The following SNTB2 variants were observed in gnomAD, a reference collection of about 807,000 sequenced individuals.
SNTB2 encodes the protein syntrophin beta 2, also known as beta-2-syntrophin.
Under a neutral mutation model 46.2 loss-of-function variants are expected in SNTB2, and 34 were observed. That is an observed-to-expected ratio of 0.74 (90% CI 0.56 to 0.98). The LOEUF is 0.98. Among genes scored for constraint, SNTB2 ranks in the 50% least tolerant of loss-of-function variants. SNTB2 has a pLI of 0.00. For synonymous variants in SNTB2, 290 were observed against 312.6 expected (o/e 0.93, Z 0.76); for missense variants, 603 against 731.4 (o/e 0.82, Z 2.02).
At chr16:69,251,517 G>A (rs1445115166) in intron 2 of SNTB2, among the ~76,000 whole-genome samples, 4 of 145,620 alleles carry the variant, frequency 2.7e-5, no homozygotes, top group South Asian at 4.5e-4. Flanking sequence ...AGTGGCTGAC[G>A]CCTGTAATCC....
At chr16:69,279,319 T>A (rs548190908) in intron 4 of SNTB2, among the ~76,000 whole-genome samples, 3 of 152,202 alleles carry the variant, frequency 2.0e-5, no homozygotes, top group African/African-American at 7.2e-5. Flanking sequence ...AGTATTTCCT[T>A]TTTTAGGCTG....
At position 69,300,994 on chromosome 16, in the gene SNTB2, A is replaced by T; in HGVS notation, c.*70A>T. The T allele has an allele frequency of 1.0e-6, 1 of 987,174 alleles. No homozygotes were observed. The allele number at this position is 987,174 out of a possible 1,614,324, so 61.2% of individuals were successfully genotyped here. A position where few individuals can be genotyped will look rare whatever the true frequency, so the allele number is the denominator to read the frequency against. On this transcript the variant is annotated 3_prime_UTR_variant, in exon 7 of 7. Transcript: ENST00000336278. Reference sequence around the variant, plus strand: ...TTCCACCTCAAAAAAAAAAAAGCACAAAAAGAAACTCTTTGCTCTCCTTCA... The same window carrying T: ...TTCCACCTCAAAAAAAAAAAAGCACTAAAAGAAACTCTTTGCTCTCCTTCA...
At chr16:69,291,787 AAGTT>A (rs1965161352) in intron 5 of SNTB2, among the ~76,000 whole-genome samples, 1 of 152,114 alleles carries the variant, frequency 6.6e-6, no homozygotes, top group African/African-American at 2.4e-5. Context: ...AAAATTTTGA[AAGTT>A]AGCCAGGCAT....
intron 4 of SNTB2, 130 bp downstream of exon 4, chr16:69,270,415 C>A: frequency 8.7e-7 from 1 of 1,153,962 alleles, no homozygotes; most frequent in Middle Eastern, 2.3e-4. Context: ...TTGATGCAGA[C>A]AAAAATTTTT....
intron 1 of SNTB2, among the ~76,000 whole-genome samples, chr16:69,232,771 A>G (rs1175026361): frequency 6.6e-6 from 1 of 151,982 alleles, no homozygotes; most frequent in Admixed American, 6.6e-5. Flanking sequence ...CAGCCTCCCA[A>G]AGTACTGGGA....
chr16:69,283,394 T>A (rs2143157597), intron 4 of SNTB2, among the ~76,000 whole-genome samples: 1 of 152,266 alleles, frequency 6.6e-6, no homozygotes, highest in Non-Finnish European at 1.5e-5. Flanking sequence ...AATTCTAGAG[T>A]CAAATGCAAA....
intron 1 of SNTB2, among the ~76,000 whole-genome samples, chr16:69,243,072 C>T (rs2152296618): frequency 6.7e-6 from 1 of 149,324 alleles, no homozygotes; most frequent in Admixed American, 6.7e-5. Context: ...AGAAAATTAG[C>T]TTCAGCATCT....
chr16:69,227,104 C>T (rs1203009475), intron 1 of SNTB2, among the ~76,000 whole-genome samples: 1 of 152,120 alleles, frequency 6.6e-6, no homozygotes, highest in African/African-American at 2.4e-5. Flanking sequence ...TTGCAAGAAT[C>T]CTTAATCTAG....
At chr16:69,232,582 G>C (rs539555847) in intron 1 of SNTB2, among the ~76,000 whole-genome samples, 23 of 140,578 alleles carry the variant, frequency 1.6e-4, no homozygotes, top group Non-Finnish European at 3.0e-4. Context: ...CCCCATCTTG[G>C]CTCGTTGCAA....
intron 2 of SNTB2, among the ~76,000 whole-genome samples, chr16:69,246,410 C>T (rs2143044401): frequency 6.6e-6 from 1 of 151,026 alleles, no homozygotes; most frequent in Admixed American, 6.6e-5. Context: ...AGGGATGAAG[C>T]CCACTTGATT....
intron 5 of SNTB2, among the ~76,000 whole-genome samples, chr16:69,294,872 G>T (rs146201378): frequency 0.023 from 3,487 of 151,266 alleles, 133 homozygotes; most frequent in African/African-American, 0.08. Context: ...GGGCTGGAGT[G>T]CAGTGGTGCA....
chr16:69,301,074 A>G lies in SNTB2; in HGVS notation c.*150A>G, dbSNP rs1965274426. The G allele has an allele frequency of 1.7e-6, 1 of 588,840 alleles. No homozygotes were observed. The highest frequency in any genetic ancestry group is 3.0e-6 in the Non-Finnish European group (1 of 328,316). The allele number at this position is 588,840 out of a possible 1,614,324, so 36.5% of individuals were successfully genotyped here. On this transcript the variant is annotated 3_prime_UTR_variant, in exon 7 of 7. Transcript: ENST00000336278. ...AACTGCTGAACCATAACCGTGTTTA[A>G]AGAAGAGCCTACCTTTCACAGTCTA...
chr16:69,198,849 G>A (rs1964132324), intron 1 of SNTB2, among the ~76,000 whole-genome samples: 1 of 151,218 alleles, frequency 6.6e-6, no homozygotes, highest in Admixed American at 6.6e-5. Flanking sequence ...AATATGAACT[G>A]ACTGTACGCA....
intron 5 of SNTB2, among the ~76,000 whole-genome samples, chr16:69,292,388 TATTATATATATATATATATTA>T (rs1965173704): frequency 7.4e-5 from 1 of 13,480 alleles, no homozygotes. Flanking sequence ...ATTATATATA[TATTATATATATATATATATTA>T]TATATATATT....
At chr16:69,300,105 C>G (rs1965264967) in intron 6 of SNTB2, among the ~76,000 whole-genome samples, 1 of 151,566 alleles carries the variant, frequency 6.6e-6, no homozygotes, top group African/African-American at 2.4e-5. Flanking sequence ...GCTTTGCTGC[C>G]CAGGATGGTC....
At chr16:69,274,727 G>A (rs531294214) in intron 4 of SNTB2, among the ~76,000 whole-genome samples, 1 of 151,712 alleles carries the variant, frequency 6.6e-6, no homozygotes, top group Non-Finnish European at 1.5e-5. Flanking sequence ...TTCTTGGGAG[G>A]CTGGAAGAGT....
At chr16:69,277,548 A>G (rs2143138427) in intron 4 of SNTB2, among the ~76,000 whole-genome samples, 1 of 152,334 alleles carries the variant, frequency 6.6e-6, no homozygotes, top group Non-Finnish European at 1.5e-5. Flanking sequence ...CATTGCAATT[A>G]ATCTTTACCA....
At chr16:69,221,205 G>A (rs551038344) in intron 1 of SNTB2, among the ~76,000 whole-genome samples, 15 of 152,260 alleles carry the variant, frequency 9.9e-5, no homozygotes, top group Non-Finnish European at 1.6e-4. Flanking sequence ...AATACTGATA[G>A]TTCACACTTA....
At chr16:69,262,711 C>T (rs1964846087) in intron 3 of SNTB2, among the ~76,000 whole-genome samples, 1 of 151,448 alleles carries the variant, frequency 6.6e-6, no homozygotes, top group African/African-American at 2.4e-5. Context: ...AGGTCTCACT[C>T]TGTCGCCCAG....
Sources: allele counts gnomAD v4.1 joint callset (sites outside exome capture counted in the v4.1 genomes callset), GRCh38; gene constraint gnomAD v4.1.1; transcripts MANE v1.5; gene names NCBI Gene and HGNC (gene_info 2026-07-23, HGNC 2026-07-21).